The following UBA3 variants were observed in gnomAD, a reference collection of about 807,000 sequenced individuals.
UBA3 encodes the protein NEDD8-activating enzyme E1 catalytic subunit.
In UBA3, 26 loss-of-function variants were observed where a neutral mutation model predicts 73.5. The observed-to-expected ratio is 0.35, with a 90% CI of 0.26 to 0.49. The LOEUF (loss-of-function observed/expected upper bound fraction) is 0.49. Among genes scored for constraint, UBA3 ranks in the 20% least tolerant of loss-of-function variants. The pLI is 0.98. For missense variants in UBA3, 495 were observed against 555.6 expected (o/e 0.89, Z 1.10); for synonymous variants, 217 against 191.2 (o/e 1.13, Z -1.11).
chr3:69,076,116 T>A (rs1235113108), intron 3 of UBA3, among the ~76,000 whole-genome samples: 1 of 152,228 alleles, frequency 6.6e-6, no homozygotes, highest in Non-Finnish European at 1.5e-5. Context: ...TGTTTTTTAA[T>A]TTTTGCAAAG....
At position 69,062,181 on chromosome 3, in the gene UBA3, T is replaced by C; in HGVS notation, c.694-2A>G. The C allele has an allele frequency of 1.3e-6, 2 of 1,591,010 alleles. No homozygotes were observed. The highest frequency in any genetic ancestry group is 1.7e-6 in the Non-Finnish European group (2 of 1,161,302). On this transcript the variant is annotated splice_acceptor_variant, in intron 9 of 17. Transcript: ENST00000361055. LOFTEE classifies it high-confidence loss of function. ...AATGGTGCACATGGGAAAATTAACC[T>C]AAAACCACAGTTTGTCCTTTTCAGT... is the stretch of plus-strand genomic sequence containing the variant.
intron 11 of UBA3, among the ~76,000 whole-genome samples, chr3:69,061,281 A>C (rs965938894): frequency 3.3e-5 from 5 of 152,190 alleles, no homozygotes; most frequent in East Asian, 1.9e-4. Context: ...CTGCAACCTC[A>C]GCCTCCTGGG....
chr3:69,063,637 G>A, intron 7 of UBA3, 134 bp from the exon 8 acceptor site: 1 of 754,454 alleles, frequency 1.3e-6, no homozygotes, highest in Non-Finnish European at 2.0e-6. Context: ...GTGTGTTTGT[G>A]GGAACAGGAA....
chr3:69,067,861 A>AT (rs1459503774), intron 6 of UBA3, 67 bp downstream of exon 6: 2 of 1,233,164 alleles, frequency 1.6e-6, no homozygotes, highest in African/African-American at 3.1e-5. Flanking sequence ...TCTCTGTTAA[A>AT]TATCTCTTAT....
intron 5 of UBA3, among the ~76,000 whole-genome samples, chr3:69,068,475 G>A (rs2092092129): frequency 7.0e-6 from 1 of 143,002 alleles, no homozygotes; most frequent in Non-Finnish European, 1.5e-5. Flanking sequence ...CAAATTTTGT[G>A]TCCCCTAAGA....
chr3:69,077,725 A>T (rs2092179893), intron 3 of UBA3, 73 bp downstream of exon 3: 6 of 1,424,336 alleles, frequency 4.2e-6, no homozygotes, highest in Admixed American at 2.5e-5. Flanking sequence ...AGAGCAAATT[A>T]AAAAAGAAGC....
intron 11 of UBA3, among the ~76,000 whole-genome samples, chr3:69,059,580 G>A (rs905756679): frequency 2.6e-5 from 4 of 152,110 alleles, no homozygotes; most frequent in African/African-American, 7.2e-5. Flanking sequence ...GTAGGAACTC[G>A]GGAGTATTAA....
At chr3:69,057,933 T>TTC (rs975377238) in intron 11 of UBA3, among the ~76,000 whole-genome samples, 1 of 146,372 alleles carries the variant, frequency 6.8e-6, no homozygotes, top group African/African-American at 2.5e-5. Context: ...TCTTTTTTTT[T>TTC]TTTTTTTTTT....
intron 4 of UBA3, among the ~76,000 whole-genome samples, chr3:69,074,868 T>C (rs2092151977): frequency 6.6e-6 from 1 of 152,202 alleles, no homozygotes; most frequent in African/African-American, 2.4e-5. Context: ...ATCGTCTTAT[T>C]AGGTCATAAA....
At chr3:69,069,735 T>C (rs952381618) in intron 5 of UBA3, among the ~76,000 whole-genome samples, 1 of 152,186 alleles carries the variant, frequency 6.6e-6, no homozygotes, top group Non-Finnish European at 1.5e-5. Flanking sequence ...CTGTTATAAA[T>C]CAAAGAACTT....
chr3:69,059,112 T>C (rs780388628), intron 11 of UBA3, among the ~76,000 whole-genome samples: 3 of 152,232 alleles, frequency 2.0e-5, no homozygotes, highest in Admixed American at 1.3e-4. Context: ...GATTTCATTT[T>C]GATAGGGGAG....
intron 3 of UBA3, among the ~76,000 whole-genome samples, chr3:69,076,050 C>T (rs534435444): frequency 6.6e-6 from 1 of 152,112 alleles, no homozygotes; most frequent in African/African-American, 2.4e-5. Context: ...TTTTAAATTG[C>T]CTTTTATTGT....
chr3:69,068,173 G>C (rs540512802), intron 5 of UBA3, among the ~76,000 whole-genome samples, 165 bp from the exon 6 acceptor site: 1 of 151,946 alleles, frequency 6.6e-6, no homozygotes, highest in African/African-American at 2.4e-5. Flanking sequence ...TTTGGTAAAC[G>C]GTCATTTAAC....
At chr3:69,057,595 C>T (rs1364700036) in intron 11 of UBA3, among the ~76,000 whole-genome samples, 6 of 152,104 alleles carry the variant, frequency 3.9e-5, no homozygotes, top group Non-Finnish European at 8.8e-5. Context: ...ATGTTCCAGG[C>T]ACAATGTAAA....
chr3:69,076,590 C>G (rs1204459111), intron 3 of UBA3: 2 of 151,508 alleles, frequency 1.3e-5, no homozygotes, highest in African/African-American at 4.9e-5. Context: ...CTTTTTGAGA[C>G]AGGGTCTCAC....
intron 12 of UBA3, 92 bp from the exon 13 acceptor site, chr3:69,056,907 G>A: frequency 1.5e-6 from 2 of 1,356,420 alleles, no homozygotes; most frequent in Non-Finnish European, 2.0e-6. Context: ...AATTTACATT[G>A]GCTCTTCATT....
At chr3:69,071,698 A>G in intron 4 of UBA3, 81 bp from the exon 5 acceptor site, 2 of 828,760 alleles carry the variant, frequency 2.4e-6, no homozygotes, top group East Asian at 5.7e-5. Flanking sequence ...TGTAGTCTTA[A>G]GTCTACAAAT....
intron 4 of UBA3, among the ~76,000 whole-genome samples, chr3:69,073,689 G>A (rs1037046329): frequency 4.7e-5 from 7 of 150,156 alleles, no homozygotes; most frequent in Non-Finnish European, 7.4e-5. Flanking sequence ...AGGCTGGAGT[G>A]CAGTGGTGTG....
chr3:69,059,333 C>T (rs1314499606), intron 11 of UBA3, among the ~76,000 whole-genome samples: 2 of 152,238 alleles, frequency 1.3e-5, no homozygotes, highest in South Asian at 2.1e-4. Context: ...TGTTTGTAAA[C>T]AGCAATGGCA....
Sources: allele counts gnomAD v4.1 joint callset (sites outside exome capture counted in the v4.1 genomes callset), GRCh38; gene constraint gnomAD v4.1.1; transcripts MANE v1.5; gene names NCBI Gene and HGNC (gene_info 2026-07-23, HGNC 2026-07-21).